Variants in SRGAP2C observed in about 807,000 individuals in gnomAD.
The protein encoded by SRGAP2C is SLIT-ROBO Rho GTPase-activating protein 2C.
A neutral mutation model predicts 25.1 loss-of-function variants in SRGAP2C; 15 were observed. The ratio of observed to expected loss-of-function variants is 0.60; its 90% CI spans 0.40 to 0.92. SRGAP2C has a LOEUF of 0.92. Among genes scored for constraint, SRGAP2C ranks in the 40% least tolerant of loss-of-function variants. The probability of loss-of-function intolerance (pLI) is 0.00; values close to 1 mark genes in which losing one functional copy is unlikely to be tolerated. For synonymous variants in SRGAP2C, 44 were observed against 96.6 expected, an observed-to-expected ratio of 0.46 and a Z score of 3.19; for missense variants, 144 against 264.4, an observed-to-expected ratio of 0.54 and a Z score of 3.16.
At chr1:121,379,130 CA>C (rs1659746551) in intron 7 of SRGAP2C, among the ~76,000 whole-genome samples, 1 of 152,204 alleles carries the variant, frequency 6.6e-6, no homozygotes, top group Admixed American at 6.5e-5. Context: ...ACACCATGTG[CA>C]CCCAAGTCGG....
intron 2 of SRGAP2C, among the ~76,000 whole-genome samples, chr1:121,279,791 C>T (rs1279697698): frequency 7.1e-6 from 1 of 141,460 alleles, no homozygotes; most frequent in Admixed American, 7.2e-5. Flanking sequence ...GGTGATCTGC[C>T]AGTGGAGTTC....
intron 4 of SRGAP2C, among the ~76,000 whole-genome samples, chr1:121,359,977 A>G (rs1411864597): frequency 6.6e-6 from 1 of 152,032 alleles, no homozygotes; most frequent in East Asian, 1.9e-4. Context: ...GTCTAGCTAA[A>G]GGATTGTAAA....
intron 2 of SRGAP2C, among the ~76,000 whole-genome samples, chr1:121,236,088 T>C (rs1234479750): frequency 7.2e-6 from 1 of 139,296 alleles, no homozygotes; most frequent in Non-Finnish European, 1.5e-5. Flanking sequence ...AAAAAAGGTG[T>C]TCCAGGATCT....
At chr1:121,281,145 T>C (rs1371194573) in intron 2 of SRGAP2C, among the ~76,000 whole-genome samples, 4 of 151,678 alleles carry the variant, frequency 2.6e-5, no homozygotes, top group African/African-American at 9.7e-5. Context: ...TTGTTTGTCT[T>C]TGTAGGAGTA....
rs1388918463 is a variant in SRGAP2C at position 121,293,636 on chromosome 1, A to G, written c.260+8641A>G. On this transcript the variant is annotated intron_variant, in intron 3 of 9. Transcript: ENST00000367123. ...GGTTTCCTGGGTCTCTGGAGTGACA[A>G]TAGTACTGTATTTTCAGTCGGTGAA... Among the ~76,000 whole-genome samples the G allele has an allele frequency of 1.1e-3, 174 of 152,252 alleles. 1 individual carries two copies. Among genetic ancestry groups the G allele is most frequent in the African/African-American group, 4.0e-3 (165 of 41,554 alleles).
At chr1:121,293,753 G>C (rs1374187943) in intron 3 of SRGAP2C, among the ~76,000 whole-genome samples, 2 of 141,210 alleles carry the variant, frequency 1.4e-5, no homozygotes, top group African/African-American at 5.3e-5. Context: ...CACCTCCCCC[G>C]GAGCTGTAGC....
At chr1:121,273,826 C>A (rs1174294248) in intron 2 of SRGAP2C, among the ~76,000 whole-genome samples, 1 of 151,766 alleles carries the variant, frequency 6.6e-6, no homozygotes, top group Non-Finnish European at 1.5e-5. Context: ...TAGGTCACTC[C>A]AAGTCTCATG....
intron 4 of SRGAP2C, among the ~76,000 whole-genome samples, chr1:121,331,905 C>T (rs1387918800): frequency 6.6e-6 from 1 of 151,866 alleles, no homozygotes; most frequent in Admixed American, 6.6e-5. Flanking sequence ...TATTGATTGC[C>T]TTGGGGCCAG....
chr1:121,319,200 C>CTA (rs1227487081), intron 3 of SRGAP2C, among the ~76,000 whole-genome samples: 5 of 148,958 alleles, frequency 3.4e-5, no homozygotes, highest in Non-Finnish European at 7.4e-5. Flanking sequence ...AACTTAGAGA[C>CTA]TATTGGCCCA....
intron 5 of SRGAP2C, among the ~76,000 whole-genome samples, chr1:121,369,533 G>A (rs1363403585): frequency 2.6e-5 from 4 of 152,050 alleles, no homozygotes; most frequent in Admixed American, 6.6e-5. Flanking sequence ...TTGGAGCAGC[G>A]GCTGTGTGCT....
intron 2 of SRGAP2C, among the ~76,000 whole-genome samples, chr1:121,249,867 G>T: frequency 2.4e-4 from 1 of 4,112 alleles, no homozygotes; most frequent in South Asian, 4.8e-3. Flanking sequence ...GCGATAGTTT[G>T]CTCAGAATGA....
At position 121,222,427 on chromosome 1, in the gene SRGAP2C, G is replaced by A. The variant is rs587670245; in HGVS notation, c.67+34914G>A. Among the ~76,000 whole-genome samples the A allele has an allele frequency of 9.9e-5, 15 of 152,200 alleles. No homozygotes were observed. The East Asian group carries it at 2.1e-3, about 22-fold the overall frequency. On this transcript the variant is annotated intron_variant, in intron 2 of 9. Coordinates refer to ENST00000367123, the MANE Select transcript of SRGAP2C (RefSeq NM_001329984.2). ...GTGGATTGCTTGAACCCAGGAGATC[G>A]AGAGCAGCCTGGGCAACATAAGGAG...
chr1:121,320,960 G>C (rs1261705567), intron 3 of SRGAP2C, among the ~76,000 whole-genome samples: 1 of 152,192 alleles, frequency 6.6e-6, no homozygotes, highest in Non-Finnish European at 1.5e-5. Context: ...CCTTGCTGCT[G>C]TGTGTCAAGT....
intron 2 of SRGAP2C, among the ~76,000 whole-genome samples, chr1:121,279,271 G>T (rs1657187006): frequency 6.6e-6 from 1 of 150,904 alleles, no homozygotes; most frequent in African/African-American, 2.4e-5. Flanking sequence ...TGGTATTCAT[G>T]ACTTAATCAG....
intron 2 of SRGAP2C, among the ~76,000 whole-genome samples, chr1:121,210,002 G>A (rs1332708784): frequency 3.3e-5 from 5 of 150,342 alleles, no homozygotes; most frequent in Admixed American, 3.3e-4. Context: ...TTTTGTACAT[G>A]CCATTGCTGT....
At chr1:121,359,672 G>A (rs587684770) in intron 4 of SRGAP2C, among the ~76,000 whole-genome samples, 2 of 152,300 alleles carry the variant, frequency 1.3e-5, no homozygotes, top group Admixed American at 1.3e-4. Flanking sequence ...GGAAGCTGAG[G>A]GAAGAGGATC....
rs1178560625 is a variant in SRGAP2C at position 121,392,202 on chromosome 1, C to G, written c.*4347C>G. On this transcript the variant is annotated 3_prime_UTR_variant, in exon 10 of 10. Transcript: ENST00000367123. ...GACTAATGAATTTGTGGGACATCAT[C>G]AAATAGACCAACATTCATATTCTAG... The G allele has an allele frequency of 6.6e-6, 1 of 152,108 alleles. No individual in the cohort carries two copies. Among genetic ancestry groups the G allele is most frequent in the Non-Finnish European group, 1.5e-5 (1 of 67,998 alleles). 9.4% of individuals were successfully genotyped at this position (152,108 alleles called of 1,614,324 possible). A position where few individuals can be genotyped will look rare whatever the true frequency, so the allele number is the denominator to read the frequency against.
chr1:121,323,891 G>T (rs1658264703), intron 3 of SRGAP2C, among the ~76,000 whole-genome samples: 1 of 151,564 alleles, frequency 6.6e-6, no homozygotes, highest in East Asian at 1.9e-4. Flanking sequence ...ATTTTGTAGT[G>T]CTGTAGTGAT....
chr1:121,295,398 G>T (rs1377721213), intron 3 of SRGAP2C, among the ~76,000 whole-genome samples: 1 of 151,114 alleles, frequency 6.6e-6, no homozygotes, highest in Non-Finnish European at 1.5e-5. Context: ...GAAACCAGTT[G>T]CTGCAGTAGA....
Sources: allele counts gnomAD v4.1 joint callset (sites outside exome capture counted in the v4.1 genomes callset), GRCh38; gene constraint gnomAD v4.1.1; transcripts MANE v1.5; gene names NCBI Gene and HGNC (gene_info 2026-07-23, HGNC 2026-07-21).